ZFP14: variants seen among roughly 807,000 people sequenced by gnomAD.
ZFP14 encodes the protein ZFP14 zinc finger protein, also known as zinc finger protein 14 homolog.
A neutral mutation model predicts 54.5 loss-of-function variants in ZFP14; 22 were observed. That is an observed-to-expected ratio of 0.40 (90% CI 0.29 to 0.58). The LOEUF is 0.58. Ranked by LOEUF, ZFP14 falls within the 20% of genes least tolerant of loss-of-function variation. The pLI is 0.39. For synonymous variants in ZFP14, 159 were observed against 204.0 expected (o/e 0.78, Z 1.88); for missense variants, 470 against 637.8 (o/e 0.74, Z 2.83).
At chr19:36,364,172 A>G (rs4239586) in intron 2 of ZFP14, among the ~76,000 whole-genome samples, 150,446 of 152,256 alleles carry the variant, frequency 0.99, 74,488 homozygotes, top group Middle Eastern at 1. Flanking sequence ...GTTGGTGAAG[A>G]AGGGATCCCT....
In ZFP14 at chr19:36,334,716, A is replaced by G. The variant is rs2031159385; in HGVS notation, c.*5508T>C. ...TAAAATTACACCCTTGAAGACATTC[A>G]TTGTGGTTATGGTAGCATCTAACAA... On this transcript the variant is annotated 3_prime_UTR_variant, in exon 5 of 5. Transcript: ENST00000270001. The G allele has an allele frequency of 6.6e-6, 1 of 152,234 alleles. No individual in the cohort carries two copies. The highest frequency in any genetic ancestry group is 2.4e-5 in the African/African-American group (1 of 41,460). 9.4% of individuals were successfully genotyped at this position (152,234 alleles called of 1,614,324 possible).
intron 1 of ZFP14, among the ~76,000 whole-genome samples, chr19:36,376,791 A>G (rs2031969019): frequency 6.6e-6 from 1 of 152,218 alleles, no homozygotes; most frequent in African/African-American, 2.4e-5. Context: ...ACTCAGAGCC[A>G]TCCTATATAG....
At chr19:36,370,372 C>T (rs1032541549) in intron 1 of ZFP14, among the ~76,000 whole-genome samples, 2 of 152,214 alleles carry the variant, frequency 1.3e-5, no homozygotes, top group African/African-American at 2.4e-5. Flanking sequence ...CAACCCCAGA[C>T]TCCAGGCCAG....
chr19:36,364,074 G>A (rs954891583), intron 2 of ZFP14, among the ~76,000 whole-genome samples: 1 of 152,064 alleles, frequency 6.6e-6, no homozygotes, highest in Admixed American at 6.6e-5. Context: ...AATGGACCTC[G>A]TTCCTGGCAT....
At chr19:36,352,044 C>T (rs1237706436) in intron 4 of ZFP14, among the ~76,000 whole-genome samples, 3 of 140,686 alleles carry the variant, frequency 2.1e-5, no homozygotes, top group East Asian at 2.1e-4. Context: ...ATTAGCGGGG[C>T]GTGGTGGTGA....
At position 36,341,590 on chromosome 19, in the gene ZFP14, T is replaced by C. The variant is rs569438373; in HGVS notation, c.236A>G (p.Asp79Gly). 1.4e-5 allele frequency: 22 copies of C among 1,549,624 alleles called. No individual in the cohort carries two copies. The highest frequency in any genetic ancestry group is 1.9e-5 in the Non-Finnish European group (22 of 1,153,588). Residue 79 changes from aspartate to glycine, a missense_variant and splice_region_variant, in exon 5 of 5, where the codon GAT (aspartate) becomes GGT (glycine). Physicochemically the swap from Asp to Gly is moderately conservative, Grantham distance 94. Transcript: ENST00000270001. This position sits in a 1 kb window ranked among gnomAD's most constrained non-coding sequence, Gnocchi z 4.2. Reference protein sequence around the residue: ...VREGTRRYCPDLESRYRTNTL... With the variant: ...VREGTRRYCPGLESRYRTNTL... Reference sequence around the variant, plus strand: ...ATTGGTCCTGTATCTGGACTCCAAATCTGAAAGAAAACAAGAAAGCAAATA... The same window carrying C: ...ATTGGTCCTGTATCTGGACTCCAAACCTGAAAGAAAACAAGAAAGCAAATA...
At chr19:36,349,680 A>ATAT (rs1229719873) in intron 4 of ZFP14, among the ~76,000 whole-genome samples, 85 of 136,846 alleles carry the variant, frequency 6.2e-4, no homozygotes, top group Non-Finnish European at 1.1e-3. Flanking sequence ...ACAAAAAAAA[A>ATAT]ATATATATAT....
intron 1 of ZFP14, among the ~76,000 whole-genome samples, chr19:36,370,833 C>A (rs2031867201): frequency 6.6e-6 from 1 of 152,372 alleles, no homozygotes; most frequent in Non-Finnish European, 1.5e-5. Flanking sequence ...AATACACAGT[C>A]CTTTCAAGTG....
intron 2 of ZFP14, among the ~76,000 whole-genome samples, chr19:36,367,605 T>G (rs1600083300): frequency 1.3e-5 from 2 of 151,908 alleles, no homozygotes; most frequent in Admixed American, 1.3e-4. Flanking sequence ...CTCAGCCTCC[T>G]GGGCGCCTGC....
Position 36,340,271 on chromosome 19 carries a change from G to A in ZFP14, c.1555C>T (p.Gln519Ter). 1 of 1,612,056 alleles carries A rather than the reference G, an allele frequency of 6.2e-7. No individual in the cohort carries two copies. Among genetic ancestry groups the A allele is most frequent in the Non-Finnish European group, 8.5e-7 (1 of 1,179,060 alleles). ...KCKECKKAFR[Q>*]HSHLTQHQKI... ...TGATGCTGAGTAAGGTGTGAATGCT[G>A]TCTAAAGGCCTTCTTACACTCCTTA... Residue 519 changes from glutamine (Q) to a stop codon, truncating the protein, a stop_gained, in exon 5 of 5, where the codon CAG (glutamine) becomes TAG (stop). Transcript: ENST00000270001. LOFTEE classifies it high-confidence loss of function. This position sits in a 1 kb window ranked among gnomAD's most constrained non-coding sequence, Gnocchi z 5.4.
At chr19:36,358,744 T>C (rs1449350240) in intron 4 of ZFP14, among the ~76,000 whole-genome samples, 1 of 152,218 alleles carries the variant, frequency 6.6e-6, no homozygotes, top group East Asian at 1.9e-4. Context: ...ATGATTGCTA[T>C]GGTTTGAATG....
intron 4 of ZFP14, among the ~76,000 whole-genome samples, chr19:36,344,699 T>A (rs77677904): frequency 0.016 from 2,487 of 152,212 alleles, 42 homozygotes; most frequent in African/African-American, 0.056. Context: ...TAGATTCTCA[T>A]AGGAGCGTGA....
chr19:36,364,982 C>T (rs2031769090), intron 2 of ZFP14, among the ~76,000 whole-genome samples: 3 of 129,280 alleles, frequency 2.3e-5, no homozygotes, highest in Non-Finnish European at 3.2e-5. Context: ...GCTTTCTTTC[C>T]TTTTTCTTTT....
At chr19:36,378,758 C>T (rs2032002706) in intron 1 of ZFP14, 1 of 152,184 alleles carries the variant, frequency 6.6e-6, no homozygotes, top group Non-Finnish European at 1.5e-5. Context: ...CTACTGCGCG[C>T]AAAACCCGAT....
chr19:36,337,315 A>G lies in ZFP14; in HGVS notation c.*2909T>C, dbSNP rs1129376. On this transcript the variant is annotated 3_prime_UTR_variant, in exon 5 of 5. Coordinates refer to ENST00000270001, the MANE Select transcript of ZFP14 (RefSeq NM_020917.3). ...CTCTGTAGAATTTCACACATTCTGG[A>G]TCTGTTTGGCTTCTTCCTTGTGGTG... is the stretch of plus-strand genomic sequence containing the variant. 50,951 of 151,922 alleles carry G rather than the reference A, an allele frequency of 0.34. 8,693 individuals carry two copies. Among genetic ancestry groups the G allele is most frequent in the Admixed American group, 0.41 (6,192 of 15,232 alleles). 9.4% of individuals were successfully genotyped at this position (151,922 alleles called of 1,614,324 possible).
intron 1 of ZFP14, among the ~76,000 whole-genome samples, chr19:36,369,472 A>AT: frequency 6.6e-6 from 1 of 152,186 alleles, no homozygotes; most frequent in Admixed American, 6.5e-5. Context: ...CTGCAGTGGC[A>AT]TGACCATGGC....
chr19:36,363,594 T>C (rs984992798), intron 2 of ZFP14, among the ~76,000 whole-genome samples: 4 of 151,930 alleles, frequency 2.6e-5, no homozygotes, highest in Admixed American at 2.0e-4. Context: ...GAGGAAAGGG[T>C]GTGAGTGTTA....
chr19:36,360,671 G>T (rs551962094), intron 3 of ZFP14, 138 bp from the exon 4 acceptor site: 1 of 693,856 alleles, frequency 1.4e-6, no homozygotes, highest in Admixed American at 3.1e-5. Flanking sequence ...GGGAGTTGAA[G>T]AATGCTCATA....
At chr19:36,375,338 A>G (rs1387858594) in intron 1 of ZFP14, among the ~76,000 whole-genome samples, 1 of 151,836 alleles carries the variant, frequency 6.6e-6, no homozygotes, top group African/African-American at 2.4e-5. Flanking sequence ...CATGAGATTG[A>G]TATCTCTTCC....
Sources: gnomAD v4.1 joint callset for allele counts (sites outside exome capture counted in the v4.1 genomes callset) on GRCh38, gnomAD v4.1.1 for gene constraint, Gnocchi (gnomAD v3.1) non-coding constraint, MANE v1.5 for transcripts, NCBI Gene and HGNC (gene_info 2026-07-23, HGNC 2026-07-21) for gene names.